COMMD1: variants seen among roughly 807,000 people sequenced by gnomAD.
The protein encoded by COMMD1 is COMM domain-containing protein 1.
A neutral mutation model predicts 17.2 loss-of-function variants in COMMD1; 10 were observed. That is an observed-to-expected ratio of 0.58 (90% CI 0.36 to 0.99). COMMD1 has a LOEUF of 0.99. Among genes scored for constraint, COMMD1 ranks in the 50% least tolerant of loss-of-function variants. The pLI is 0.01. For synonymous variants in COMMD1, 97 were observed against 91.6 expected, an observed-to-expected ratio of 1.06 and a Z score of -0.34; for missense variants, 270 against 231.8, an observed-to-expected ratio of 1.17 and a Z score of -1.07.
chr2:61,940,772 C>T (rs1426993861), intron 1 of COMMD1, among the ~76,000 whole-genome samples: 3 of 151,748 alleles, frequency 2.0e-5, no homozygotes, highest in African/African-American at 7.3e-5. Flanking sequence ...CTGCAAGCTC[C>T]GCCTCCTGGG....
At chr2:62,059,325 A>T (rs922895757) in intron 2 of COMMD1, among the ~76,000 whole-genome samples, 2 of 128,880 alleles carry the variant, frequency 1.6e-5, no homozygotes, top group African/African-American at 8.3e-5. Flanking sequence ...TGGCTAATTT[A>T]AAAAAAAATT....
intron 2 of COMMD1, among the ~76,000 whole-genome samples, chr2:62,034,814 C>A (rs1434572190): frequency 1.3e-5 from 2 of 152,094 alleles, no homozygotes; most frequent in African/African-American, 4.8e-5. Context: ...AAAGTCTCAT[C>A]CTATGTTTCT....
chr2:61,978,152 T>C (rs1671856934), intron 1 of COMMD1, among the ~76,000 whole-genome samples: 1 of 152,174 alleles, frequency 6.6e-6, no homozygotes, highest in Non-Finnish European at 1.5e-5. Flanking sequence ...GTTGACATTA[T>C]TTGAAAGTAT....
At chr2:62,001,145 A>T (rs1668928943) in intron 2 of COMMD1, 163 bp downstream of exon 2, 1 of 708,196 alleles carries the variant, frequency 1.4e-6, no homozygotes, top group Non-Finnish European at 2.4e-6. Context: ...GGATACTCTC[A>T]CTTGTGGACA....
intron 2 of COMMD1, among the ~76,000 whole-genome samples, chr2:62,067,239 A>G (rs1007194857): frequency 4.7e-5 from 7 of 149,650 alleles, no homozygotes; most frequent in African/African-American, 1.5e-4. Flanking sequence ...AAAAAAAAGG[A>G]AAAAAAAAAT....
intron 1 of COMMD1, among the ~76,000 whole-genome samples, chr2:61,891,886 C>CA (rs1191466922): frequency 6.6e-6 from 1 of 151,552 alleles, no homozygotes; most frequent in Non-Finnish European, 1.5e-5. Flanking sequence ...GGCTGGAGTG[C>CA]AGTGGCACAA....
chr2:61,933,071 G>A (rs975796572), intron 1 of COMMD1, among the ~76,000 whole-genome samples: 2 of 152,126 alleles, frequency 1.3e-5, no homozygotes, highest in Non-Finnish European at 2.9e-5. Context: ...GGGATGGGGA[G>A]TTGGAAAGGG....
intron 1 of COMMD1, among the ~76,000 whole-genome samples, chr2:61,981,948 C>T (rs1041743830): frequency 6.6e-6 from 1 of 152,086 alleles, no homozygotes; most frequent in Non-Finnish European, 1.5e-5. Flanking sequence ...TCTTTTTGCT[C>T]AGGATAGCTT....
At position 62,034,158 on chromosome 2, in the gene COMMD1, G is replaced by T. The variant is rs560274394; in HGVS notation, c.462+33176G>T. ...CGGATTTGAAATTCAGCCTGTTGGG[G>T]TGGAAATGTTAGGTAGGAGACTGTT... On this transcript the variant is annotated intron_variant, in intron 2 of 2. Coordinates refer to ENST00000311832, the MANE Select transcript of COMMD1 (RefSeq NM_152516.4). Among the ~76,000 whole-genome samples the T allele has an allele frequency of 1.1e-4, 16 of 152,048 alleles. No individual in the cohort carries two copies. The East Asian group carries it at 2.9e-3, about 27-fold the overall frequency.
chr2:61,968,532 A>G (rs190322665), intron 1 of COMMD1, among the ~76,000 whole-genome samples: 696 of 152,062 alleles, frequency 4.6e-3, no homozygotes, highest in Non-Finnish European at 7.5e-3. Context: ...GACTATATCT[A>G]CTTAGAGTTT....
At chr2:62,096,865 A>G (rs1243629629) in intron 2 of COMMD1, among the ~76,000 whole-genome samples, 1 of 152,274 alleles carries the variant, frequency 6.6e-6, no homozygotes, top group Non-Finnish European at 1.5e-5. Flanking sequence ...AAGCACAACA[A>G]TAAATCACAT....
chr2:62,012,516 C>G (rs1281133176), intron 2 of COMMD1, among the ~76,000 whole-genome samples: 1 of 151,906 alleles, frequency 6.6e-6, no homozygotes, highest in Non-Finnish European at 1.5e-5. Flanking sequence ...CGGGGTTTCT[C>G]CATGTTGGTG....
At chr2:61,904,699 A>C (rs7606649), upstream of COMMD1, among the ~76,000 whole-genome samples, 16,686 of 152,302 alleles carry the variant, frequency 0.11, 2,143 homozygotes, top group African/African-American at 0.31. Flanking sequence ...TTTTCAATTG[A>C]GATATTCACA....
intron 2 of COMMD1, among the ~76,000 whole-genome samples, chr2:62,032,294 G>A (rs1479829600): frequency 2.0e-5 from 3 of 152,166 alleles, no homozygotes; most frequent in Non-Finnish European, 4.4e-5. Context: ...CCAGCACTCT[G>A]GGAAGCTGAG....
At chr2:61,931,312 A>T (rs1013685674) in intron 1 of COMMD1, among the ~76,000 whole-genome samples, 2 of 152,142 alleles carry the variant, frequency 1.3e-5, no homozygotes, top group African/African-American at 4.8e-5. Context: ...ACCTTGTCTC[A>T]AAAAAATAAA....
At chr2:62,069,939 G>A (rs1671154806) in intron 2 of COMMD1, 1 of 152,192 alleles carries the variant, frequency 6.6e-6, no homozygotes, top group Non-Finnish European at 1.5e-5. Flanking sequence ...TCAACTTAGA[G>A]ACTTAGAATA....
intron 1 of COMMD1, among the ~76,000 whole-genome samples, chr2:61,932,844 G>A (rs944439378): frequency 3.9e-5 from 6 of 152,186 alleles, no homozygotes; most frequent in African/African-American, 9.7e-5. Flanking sequence ...TGTGGACCCC[G>A]TAGCAGCATC....
intron 2 of COMMD1, among the ~76,000 whole-genome samples, chr2:62,135,513 G>A (rs1248438289): frequency 6.6e-6 from 1 of 152,036 alleles, no homozygotes; most frequent in Non-Finnish European, 1.5e-5. Flanking sequence ...AACTGCGCCT[G>A]GCTAATTTTT....
intron 1 of COMMD1, among the ~76,000 whole-genome samples, chr2:61,966,523 T>G (rs1406495450): frequency 1.3e-5 from 2 of 152,304 alleles, no homozygotes; most frequent in African/African-American, 4.8e-5. Flanking sequence ...TAAAATGTAT[T>G]TCATTTCACT....
Sources: allele counts gnomAD v4.1 joint callset (sites outside exome capture counted in the v4.1 genomes callset), GRCh38; gene constraint gnomAD v4.1.1; transcripts MANE v1.5; gene names NCBI Gene and HGNC (gene_info 2026-07-23, HGNC 2026-07-21).